The following ZNF274 variants were observed in gnomAD, a reference collection of about 807,000 sequenced individuals.
ZNF274 encodes the protein zinc finger protein 274.
Under a neutral mutation model 42.5 loss-of-function variants are expected in ZNF274, and 23 were observed. The observed-to-expected ratio is 0.54, with a 90% CI of 0.39 to 0.77. The LOEUF is 0.77. ZNF274 is among the 30% of genes least tolerant of loss of function. The probability of loss-of-function intolerance (pLI) is 0.00; values close to 1 mark genes in which losing one functional copy is unlikely to be tolerated. For synonymous variants in ZNF274, 292 were observed against 305.4 expected, an observed-to-expected ratio of 0.96 and a Z score of 0.46; for missense variants, 679 against 806.5, an observed-to-expected ratio of 0.84 and a Z score of 1.91.
intron 4 of ZNF274, among the ~76,000 whole-genome samples, chr19:58,203,031 A>C (rs933695132): frequency 6.6e-6 from 1 of 152,218 alleles, no homozygotes; most frequent in African/African-American, 2.4e-5. Flanking sequence ...CTAGGGGCCA[A>C]GGCATGAAAA....
At chr19:58,203,965 C>T (rs993421433) in intron 4 of ZNF274, among the ~76,000 whole-genome samples, 2 of 152,364 alleles carry the variant, frequency 1.3e-5, no homozygotes, top group Admixed American at 6.5e-5. Flanking sequence ...CGGGCACTGG[C>T]TCTGGGCAGA....
chr19:58,206,681 G>A (rs773701431), intron 4 of ZNF274, 39 bp from the exon 5 acceptor site: 2 of 1,515,842 alleles, frequency 1.3e-6, no homozygotes, highest in African/African-American at 1.4e-5. Flanking sequence ...CTTTTCATGT[G>A]CTTGTTCTCA....
At chr19:58,203,211 CTAGG>C (rs1730759418) in intron 4 of ZNF274, among the ~76,000 whole-genome samples, 2 of 152,156 alleles carry the variant, frequency 1.3e-5, no homozygotes, top group South Asian at 4.1e-4. Context: ...GTCCCATGTC[CTAGG>C]CACTTAGTCC....
intron 4 of ZNF274, among the ~76,000 whole-genome samples, chr19:58,189,282 G>A (rs2075750275): frequency 6.6e-6 from 1 of 152,026 alleles, no homozygotes; most frequent in Non-Finnish European, 1.5e-5. Flanking sequence ...TTTAGATTCT[G>A]TATCATATAT....
chr19:58,212,864 A>G lies in ZNF274; in HGVS notation c.1683A>G (p.Arg561=), dbSNP rs761553576. The G allele has an allele frequency of 6.2e-7, 1 of 1,613,994 alleles. No individual in the cohort carries two copies. Among genetic ancestry groups the G allele is most frequent in the African/African-American group, 1.3e-5 (1 of 75,032 alleles). Residue 561 remains arginine (R), a synonymous_variant, in exon 8 of 8, where the codon AGA becomes AGG. Transcript: ENST00000617501. The surrounding 1 kb of genome is among the most constrained non-coding windows in gnomAD (Gnocchi z 4.6). ...TQHQRVHSGE[R]PFECQECGRT... ...ATCAGAGAGTTCATTCTGGAGAGAGACCATTTGAATGTCAGGAGTGTGGGA... is the reference window on the plus strand; with the variant it reads ...ATCAGAGAGTTCATTCTGGAGAGAGGCCATTTGAATGTCAGGAGTGTGGGA...
intron 4 of ZNF274, among the ~76,000 whole-genome samples, chr19:58,196,282 C>T (rs976473181): frequency 6.6e-6 from 1 of 152,168 alleles, no homozygotes; most frequent in African/African-American, 2.4e-5. Flanking sequence ...AAGTAGAGGC[C>T]AGGCACGGCG....
rs1365180423 is a variant in ZNF274 at position 58,212,450 on chromosome 19, C to A, written c.1269C>A (p.Asp423Glu). The A allele has an allele frequency of 4.3e-6, 7 of 1,612,664 alleles. No individual in the cohort carries two copies. Among genetic ancestry groups the A allele is most frequent in the Non-Finnish European group, 5.9e-6 (7 of 1,179,360 alleles). ...ACCAAGTTTCGCTCCAGAAAATTGACAACCCTGAGTCCCAGGCAAACAGTG... is the reference window on the plus strand; with the variant it reads ...ACCAAGTTTCGCTCCAGAAAATTGAAAACCCTGAGTCCCAGGCAAACAGTG... Reference protein sequence around the residue: ...DTNQVSLQKIDNPESQANSGA... With the variant: ...DTNQVSLQKIENPESQANSGA... Residue 423 changes from aspartate (D) to glutamate (E), a missense_variant, in exon 8 of 8, where the codon GAC (aspartate) becomes GAA (glutamate). Physicochemically the swap from Asp to Glu is conservative, Grantham distance 45 (BLOSUM62 2). Transcript: ENST00000617501. The surrounding 1 kb of genome is among the most constrained non-coding windows in gnomAD (Gnocchi z 4.6).
At chr19:58,189,444 C>T (rs906635460) in intron 4 of ZNF274, among the ~76,000 whole-genome samples, 4 of 151,990 alleles carry the variant, frequency 2.6e-5, no homozygotes, top group Non-Finnish European at 5.9e-5. Flanking sequence ...TCTGGAATTT[C>T]GTTTTATATA....
intron 4 of ZNF274, among the ~76,000 whole-genome samples, chr19:58,194,649 G>A (rs1329461719): frequency 6.6e-6 from 1 of 151,890 alleles, no homozygotes; most frequent in Non-Finnish European, 1.5e-5. Flanking sequence ...CCAAAGTGCT[G>A]GGATTACAGG....
chr19:58,199,545 ACT>A (rs1192562761), intron 4 of ZNF274, among the ~76,000 whole-genome samples: 1 of 152,116 alleles, frequency 6.6e-6, no homozygotes, highest in Admixed American at 6.6e-5. Flanking sequence ...ACATGGTGAA[ACT>A]CTGTCTCTAC....
chr19:58,212,335 A>G lies in ZNF274; in HGVS notation c.1154A>G (p.Gln385Arg), dbSNP rs1480401290. 1 of 1,614,050 alleles carries G rather than the reference A, an allele frequency of 6.2e-7. No individual in the cohort carries two copies. The highest frequency in any genetic ancestry group is 1.7e-5 in the Admixed American group (1 of 60,030). The change falls in exon 8 of 8, where the codon CAG (glutamine) becomes CGG (arginine). Residue 385 changes from glutamine (Q) to arginine (R), a missense_variant. This residue lies in a region of ZNF274 where 456 missense variants were observed against 590.1 expected (regional missense o/e 0.77). Coordinates refer to ENST00000617501, the MANE Select transcript of ZNF274 (RefSeq NM_133502.3). The surrounding 1 kb of genome is among the most constrained non-coding windows in gnomAD (Gnocchi z 4.6). ...GAAGTCCAAGACACAGTGTTGAAGC[A>G]GATGGAGTCTGCTCAGGAAAAAGAC... ...VQEVQDTVLKQMESAQEKDLP... is the reference protein window; with the variant it reads ...VQEVQDTVLKRMESAQEKDLP...
chr19:58,203,159 C>T (rs1483992663), intron 4 of ZNF274, among the ~76,000 whole-genome samples: 1 of 152,022 alleles, frequency 6.6e-6, no homozygotes, highest in Non-Finnish European at 1.5e-5. Flanking sequence ...GCTGGTCTGC[C>T]ACTTAGCCCC....
Position 58,207,010 on chromosome 19 carries a change from C to G in ZNF274, c.547C>G (p.Arg183Gly). ...TGPREALDQLRELCHQWLQPK... is the reference protein window; with the variant it reads ...TGPREALDQLGELCHQWLQPK... ...TCCCCGGGAGGCCCTGGACCAGCTC[C>G]GAGAGCTGTGTCACCAGTGGCTACA... The change falls in exon 5 of 8, where the codon CGA (arginine) becomes GGA (glycine). Residue 183 changes from arginine to glycine, a missense_variant. By Grantham distance (125) the Arg-to-Gly change is moderately radical. This residue lies in a region of ZNF274 where 456 missense variants were observed against 590.1 expected (regional missense o/e 0.77). Coordinates refer to ENST00000617501, the MANE Select transcript of ZNF274 (RefSeq NM_133502.3). This position sits in a 1 kb window ranked among gnomAD's most constrained non-coding sequence, Gnocchi z 5.6. 6.2e-7 allele frequency: 1 copy of G among 1,610,880 alleles called. No homozygotes were observed. The highest frequency in any genetic ancestry group is 8.5e-7 in the Non-Finnish European group (1 of 1,178,564).
intron 6 of ZNF274, chr19:58,210,763 G>A (rs751745): frequency 0.042 from 6,476 of 153,486 alleles, 211 homozygotes; most frequent in Admixed American, 0.088. Context: ...TGCCCAGGCT[G>A]GAGTGCAATG....
chr19:58,204,348 G>C (rs549870101), intron 4 of ZNF274, among the ~76,000 whole-genome samples: 12 of 144,914 alleles, frequency 8.3e-5, no homozygotes, highest in East Asian at 4.0e-4. Context: ...CCGGGTCCAG[G>C]GGGGGCAGGG....
chr19:58,205,999 AG>A (rs2075975317), intron 4 of ZNF274, among the ~76,000 whole-genome samples: 2 of 152,232 alleles, frequency 1.3e-5, no homozygotes, highest in South Asian at 4.1e-4. Context: ...ATATATTCAC[AG>A]GGTTGTACAG....
chr19:58,205,203 C>T (rs1010308677), intron 4 of ZNF274, among the ~76,000 whole-genome samples: 3 of 152,214 alleles, frequency 2.0e-5, no homozygotes, highest in Admixed American at 2.0e-4. Context: ...TGCTGAGCTA[C>T]TTCCTGGTAG....
rs576317638 is a variant in ZNF274 at position 58,201,890 on chromosome 19, G to C, written c.257-4830G>C. On this transcript the variant is annotated intron_variant, in intron 4 of 7. Coordinates refer to ENST00000617501, the MANE Select transcript of ZNF274 (RefSeq NM_133502.3). ...TTCGTGAAATGATGGTACTGTCATT[G>C]ATTCAAAAACTGAGTAACGTAAAGA... is the stretch of plus-strand genomic sequence containing the variant. 6.1e-4 allele frequency among the ~76,000 whole-genome samples: 93 copies of C among 152,274 alleles called. 1 individual carries two copies. Among genetic ancestry groups the C allele is most frequent in the African/African-American group, 2.2e-3 (91 of 41,544 alleles).
intron 6 of ZNF274, 40 bp downstream of exon 6, chr19:58,210,113 C>A: frequency 6.5e-7 from 1 of 1,542,478 alleles, no homozygotes; most frequent in East Asian, 2.3e-5. Context: ...CACAGCATCT[C>A]CTGTGAGGCA....
Sources: gnomAD v4.1 joint callset for allele counts (sites outside exome capture counted in the v4.1 genomes callset) on GRCh38, gnomAD v4.1.1 for gene constraint, gnomAD v4.1.1 regional missense constraint, Gnocchi (gnomAD v3.1) non-coding constraint, MANE v1.5 for transcripts, NCBI Gene and HGNC (gene_info 2026-07-23, HGNC 2026-07-21) for gene names.